Variants in SLC26A11 observed in about 807,000 individuals in gnomAD.
SLC26A11 encodes sodium-independent sulfate anion transporter.
Under a neutral mutation model 62.2 loss-of-function variants are expected in SLC26A11, and 58 were observed. The observed-to-expected ratio is 0.93, with a 90% confidence interval of 0.76 to 1.16. The LOEUF is 1.16. Ranked by LOEUF, SLC26A11 falls within the 50% of genes most tolerant of loss-of-function variation. SLC26A11 has a pLI of 0.00. For synonymous variants in SLC26A11, 411 were observed against 368.9 expected (o/e 1.11, Z -1.31); for missense variants, 790 against 794.3 (o/e 0.99, Z 0.06).
Position 80,252,781 on chromosome 17 carries a change from G to A in SLC26A11, c.*65G>A. On this transcript the variant is annotated 3_prime_UTR_variant, in exon 18 of 18. Coordinates refer to ENST00000361193, the MANE Select transcript of SLC26A11 (RefSeq NM_001166347.2). This position sits in a 1 kb window ranked among gnomAD's most constrained non-coding sequence, Gnocchi z 5.2. ...CGGAAGGTTCTTGTCACTGTGATTG[G>A]ATGCTGGATGCCGCCTGATAGACAT... 1 of 1,407,044 alleles carries A rather than the reference G, an allele frequency of 7.1e-7. No homozygotes were observed. The highest frequency in any genetic ancestry group is 9.9e-7 in the Non-Finnish European group (1 of 1,005,066). The allele number at this position is 1,407,044 out of a possible 1,614,324, so 87.2% of individuals were successfully genotyped here. A position where few individuals can be genotyped will look rare whatever the true frequency, so the allele number is the denominator to read the frequency against.
At chr17:80,247,537 T>C (rs958862640) in intron 13 of SLC26A11, among the ~76,000 whole-genome samples, 4 of 152,264 alleles carry the variant, frequency 2.6e-5, no homozygotes, top group Non-Finnish European at 4.4e-5. Flanking sequence ...CATTTTCTGG[T>C]TAGCCCCAGC....
Position 80,252,705 on chromosome 17 carries a change from C to G in SLC26A11, c.1810C>G (p.Leu604Val). 1 of 1,613,738 alleles carries G rather than the reference C, an allele frequency of 6.2e-7. No homozygotes were observed. Among genetic ancestry groups the G allele is most frequent in the Non-Finnish European group, 8.5e-7 (1 of 1,179,952 alleles). ...DSILDQKVAL[L>V]KA ...CATTCTGGACCAAAAGGTTGCCCTG[C>G]TCAAGGCATAATGGGGCCACCCGTG... Residue 604 changes from leucine (L) to valine (V), a missense_variant, in exon 18 of 18, where the codon CTC (leucine) becomes GTC (valine). Transcript: ENST00000361193. The surrounding 1 kb of genome is among the most constrained non-coding windows in gnomAD (Gnocchi z 5.2).
intron 7 of SLC26A11, 22 bp from the exon 8 acceptor site, chr17:80,236,906 C>T (rs774242628): frequency 1.0e-5 from 16 of 1,594,912 alleles, no homozygotes; most frequent in East Asian, 4.5e-5. Flanking sequence ...GGGTCTCGGA[C>T]GCACCTCTCC....
chr17:80,234,852 CTT>C lies in SLC26A11; in HGVS notation c.737-2062_737-2061del, dbSNP rs558869151. On this transcript the variant is annotated intron_variant, in intron 7 of 17. Coordinates refer to ENST00000361193, the MANE Select transcript of SLC26A11 (RefSeq NM_001166347.2). ...AAATCCAGTTTGAATCTTTTTTTTT[CTT>C]TTTTTTTTTTTTTAAGATGGAGTTT... Among the ~76,000 whole-genome samples the C allele has an allele frequency of 4.9e-3, 672 of 135,902 alleles. 8 individuals are homozygous for C. The highest frequency in any genetic ancestry group is 0.017 in the African/African-American group (650 of 37,288). The allele number at this position is 135,902 out of a possible 152,430, so 89.2% of individuals were successfully genotyped here.
chr17:80,221,234 C>T (rs1009421144), intron 2 of SLC26A11, 119 bp downstream of exon 2: 2 of 328,896 alleles, frequency 6.1e-6, no homozygotes, highest in African/African-American at 2.1e-5. Context: ...CCTAATTAGT[C>T]TTCAGACTTC....
intron 16 of SLC26A11, among the ~76,000 whole-genome samples, 158 bp downstream of exon 16, chr17:80,249,445 C>G (rs553775716): frequency 6.6e-6 from 1 of 152,242 alleles, no homozygotes; most frequent in East Asian, 1.9e-4. Context: ...TTGTTCCCAT[C>G]TGGCCTTCCT....
intron 9 of SLC26A11, among the ~76,000 whole-genome samples, chr17:80,238,811 G>GTTTTTTTTTTT (rs1276063968): frequency 4.1e-5 from 5 of 123,264 alleles, no homozygotes; most frequent in African/African-American, 1.4e-4. Context: ...CTTCAAAGGA[G>GTTTTTTTTTTT]TTTTTTTTGT....
In SLC26A11 at chr17:80,252,727, C is replaced by A; in HGVS notation, c.*11C>A. On this transcript the variant is annotated 3_prime_UTR_variant, in exon 18 of 18. Transcript: ENST00000361193. The surrounding 1 kb of genome is among the most constrained non-coding windows in gnomAD (Gnocchi z 5.2). ...CTGCTCAAGGCATAATGGGGCCACC[C>A]GTGGGCATCCACAGTTTGCAGGGTG... is the stretch of plus-strand genomic sequence containing the variant. 2 of 1,610,320 alleles carry A rather than the reference C, an allele frequency of 1.2e-6. No individual in the cohort carries two copies. The highest frequency in any genetic ancestry group is 1.7e-6 in the Non-Finnish European group (2 of 1,177,754).
At chr17:80,221,880 A>C (rs2042215753) in intron 3 of SLC26A11, 86 bp downstream of exon 3, 1 of 1,353,902 alleles carries the variant, frequency 7.4e-7, no homozygotes, top group East Asian at 2.5e-5. Flanking sequence ...CAGCGATTCC[A>C]GGTTTCCAGC....
Position 80,245,271 on chromosome 17 carries a change from C to T in SLC26A11, c.1097+15C>T, listed in dbSNP as rs776395037. On this transcript the variant is annotated intron_variant, in intron 11 of 17. Transcript: ENST00000361193. The stretch of plus-strand genomic sequence containing the variant: ...AGCTTTGGACGGTGAGTGACCTGTC[C>T]GCCTCTTCTGTTTGCCCACGTTGGA... 9.0e-5 allele frequency: 145 copies of T among 1,613,428 alleles called. No homozygotes were observed. The Admixed American group carries it at 1.1e-3, about 13-fold the overall frequency.
intron 13 of SLC26A11, among the ~76,000 whole-genome samples, chr17:80,247,031 C>T (rs1192023931): frequency 2.0e-5 from 3 of 151,900 alleles, no homozygotes; most frequent in African/African-American, 7.3e-5. Flanking sequence ...AACAGCCTTG[C>T]ACCCTGGCTC....
chr17:80,252,805 A>C lies in SLC26A11; in HGVS notation c.*89A>C. 1 of 1,221,640 alleles carries C rather than the reference A, an allele frequency of 8.2e-7. No homozygotes were observed. The highest frequency in any genetic ancestry group is 1.2e-6 in the Non-Finnish European group (1 of 855,302). The allele number at this position is 1,221,640 out of a possible 1,614,324, so 75.7% of individuals were successfully genotyped here. Reference sequence around the variant, plus strand: ...GGATGCTGGATGCCGCCTGATAGACATGCTGGCCTGGCTGAGAAACCCCTG... The same window carrying C: ...GGATGCTGGATGCCGCCTGATAGACCTGCTGGCCTGGCTGAGAAACCCCTG... On this transcript the variant is annotated 3_prime_UTR_variant, in exon 18 of 18. Coordinates refer to ENST00000361193, the MANE Select transcript of SLC26A11 (RefSeq NM_001166347.2). This position sits in a 1 kb window ranked among gnomAD's most constrained non-coding sequence, Gnocchi z 5.2.
At position 80,223,487 on chromosome 17, in the gene SLC26A11, G is replaced by A. The variant is rs143955079; in HGVS notation, c.513+150G>A. On this transcript the variant is annotated intron_variant, in intron 5 of 17. Transcript: ENST00000361193. This position sits in a 1 kb window ranked among gnomAD's most constrained non-coding sequence, Gnocchi z 4.6. ...GTCTTCCATGGGTCAAGAAGCACGCGGTGCTCTCATGGGTCCCCTGTTAAT... is the reference window on the plus strand; with the variant it reads ...GTCTTCCATGGGTCAAGAAGCACGCAGTGCTCTCATGGGTCCCCTGTTAAT... 5.4e-4 allele frequency: 390 copies of A among 723,034 alleles called. 2 individuals carry two copies. The African/African-American group carries it at 5.9e-3, about 11-fold the overall frequency. 44.8% of individuals were successfully genotyped at this position (723,034 alleles called of 1,614,324 possible). A position where few individuals can be genotyped will look rare whatever the true frequency, so the allele number is the denominator to read the frequency against.
intron 14 of SLC26A11, 92 bp downstream of exon 14, chr17:80,248,349 C>T (rs959816867): frequency 9.4e-6 from 14 of 1,483,418 alleles, no homozygotes; most frequent in Admixed American, 2.1e-5. Context: ...TGATTGTGGT[C>T]GTGGGTGCTG....
rs561344976 is a variant in SLC26A11, at chr17:80,226,323, G to C, written c.593+407G>C. The stretch of plus-strand genomic sequence containing the variant: ...ACACAGGGCGTGGGGAGCTAACCCA[G>C]ACAGAACGCAGGTGGTGCAGGGACG... On this transcript the variant is annotated intron_variant, in intron 6 of 17. Coordinates refer to ENST00000361193, the MANE Select transcript of SLC26A11 (RefSeq NM_001166347.2). Among the ~76,000 whole-genome samples the C allele has an allele frequency of 1.5e-4, 23 of 152,282 alleles. No homozygotes were observed. In the South Asian group the frequency reaches 4.8e-3, roughly 32 times the overall value.
chr17:80,221,496 T>C, intron 2 of SLC26A11, 52 bp from the exon 3 acceptor site: 1 of 1,340,138 alleles, frequency 7.5e-7, no homozygotes, highest in Non-Finnish European at 1.0e-6. Context: ...TGTTGCCGGG[T>C]TCTTCAAAGG....
chr17:80,246,336 G>T lies in SLC26A11; in HGVS notation c.1153+127G>T. 7.0e-7 allele frequency: 1 copy of T among 1,423,240 alleles called. No homozygotes were observed. Among genetic ancestry groups the T allele is most frequent in the African/African-American group, 1.4e-5 (1 of 70,798 alleles). The allele number at this position is 1,423,240 out of a possible 1,614,324, so 88.2% of individuals were successfully genotyped here. On this transcript the variant is annotated intron_variant, in intron 12 of 17. Transcript: ENST00000361193. This position sits in a 1 kb window ranked among gnomAD's most constrained non-coding sequence, Gnocchi z 4.4. ...CCGGGACTGCACAGGGACTTGGGGG[G>T]CCACACAGGAGTAGGGGGACCACAG...
At position 80,248,260 on chromosome 17, in the gene SLC26A11, ACC is replaced by A. The variant is rs762225343; in HGVS notation, c.1422+6_1422+7del. On this transcript the variant is annotated splice_donor_5th_base_variant and intron_variant, in intron 14 of 17. Coordinates refer to ENST00000361193, the MANE Select transcript of SLC26A11 (RefSeq NM_001166347.2). ...CTGCAGCCAGGCCTGAGACCAAGGTACCCCTCCGTGGCCTCTGAGTGGGGAGT... is the reference window on the plus strand; with the variant it reads ...CTGCAGCCAGGCCTGAGACCAAGGTACCTCCGTGGCCTCTGAGTGGGGAGT... The A allele has an allele frequency of 6.2e-7, 1 of 1,606,126 alleles. No individual in the cohort carries two copies. The highest frequency in any genetic ancestry group is 1.3e-5 in the African/African-American group (1 of 74,772).
rs2043001091 is a variant in SLC26A11, at chr17:80,246,503, C to T, written c.1154-6C>T. ...CCGAGGTCACCTGTGTTCCCGTGCC[C>T]CGCAGGAGTGCTGGTGCTGCTGTCT... On this transcript the variant is annotated splice_region_variant and splice_polypyrimidine_tract_variant and intron_variant, in intron 12 of 17. Transcript: ENST00000361193. This position sits in a 1 kb window ranked among gnomAD's most constrained non-coding sequence, Gnocchi z 4.4. 1.2e-6 allele frequency: 2 copies of T among 1,610,030 alleles called. No individual in the cohort carries two copies. Among genetic ancestry groups the T allele is most frequent in the Middle Eastern group, 1.6e-4 (1 of 6,062 alleles).
Sources: gnomAD v4.1 joint callset for allele counts (sites outside exome capture counted in the v4.1 genomes callset) on GRCh38, gnomAD v4.1.1 for gene constraint, Gnocchi (gnomAD v3.1) non-coding constraint, MANE v1.5 for transcripts, NCBI Gene and HGNC (gene_info 2026-07-23, HGNC 2026-07-21) for gene names.